Variants in ZNF112 observed in about 807,000 individuals in gnomAD.
ZNF112 encodes the protein zinc finger protein 112 (Y14).
ZNF112 carries 37 observed loss-of-function variants against 77.7 expected under a neutral mutation model. That is an observed-to-expected ratio of 0.48 (90% CI 0.37 to 0.63). The LOEUF is 0.63. ZNF112 is among the 20% of genes least tolerant of loss of function. ZNF112 has a pLI of 0.00. For missense variants in ZNF112, 950 were observed against 1,077.4 expected, an observed-to-expected ratio of 0.88 and a Z score of 1.66; for synonymous variants, 333 against 363.6, an observed-to-expected ratio of 0.92 and a Z score of 0.96.
chr19:44,341,159 A>G (rs770795876), intron 1 of ZNF112: 1 of 456,574 alleles, frequency 2.2e-6, no homozygotes, highest in Non-Finnish European at 4.4e-6. Context: ...AGCATGGAAA[A>G]CAGCACCTGG....
chr19:44,337,383 TAATA>T (rs1970395214), intron 2 of ZNF112, among the ~76,000 whole-genome samples: 1 of 31,948 alleles, frequency 3.1e-5, no homozygotes, highest in East Asian at 1.1e-3. Flanking sequence ...ATTTTATATA[TAATA>T]ATATATATAA....
In ZNF112 at chr19:44,366,031, A is replaced by G. The variant is rs145540527; in HGVS notation, c.17+1050T>C. 7.2e-3 allele frequency among the ~76,000 whole-genome samples: 1,095 copies of G among 152,292 alleles called. 2 individuals are homozygous for G. Among genetic ancestry groups the G allele is most frequent in the Non-Finnish European group, 0.011 (779 of 68,014 alleles). On this transcript the variant is annotated intron_variant, in intron 1 of 4. Coordinates refer to the ZNF112 transcript ENST00000588057. ...AAACAGTCAGTTATGTATACACTGT[A>G]GTGAACAAAGAATAGTAAGTTGTTA... is the stretch of plus-strand genomic sequence containing the variant.
At position 44,327,812 on chromosome 19, in the gene ZNF112, TC is replaced by T. The variant is rs1275724701; in HGVS notation, c.2344del (p.Glu782ArgfsTer139). On this transcript the variant is annotated frameshift_variant, in exon 4 of 4. Transcript: ENST00000354340. LOFTEE classifies it high-confidence loss of function. ...KCEVCTKGFSESSRLQAHQRV... is the reference protein window; with the variant it reads ...KCEVCTKGFSXSSRLQAHQRV... ...TTGGTGTGCTTGAAGGCGTGAACTCTCACTGAAACCCTTTGTACACACCTCA... is the reference window on the plus strand; with the variant it reads ...TTGGTGTGCTTGAAGGCGTGAACTCTACTGAAACCCTTTGTACACACCTCA... 1 of 1,613,788 alleles carries T rather than the reference TC, an allele frequency of 6.2e-7. No homozygotes were observed. Among genetic ancestry groups the T allele is most frequent in the Admixed American group, 1.7e-5 (1 of 59,974 alleles).
intron 3 of ZNF112, among the ~76,000 whole-genome samples, chr19:44,332,267 A>G (rs1180572803): frequency 6.6e-6 from 1 of 152,128 alleles, no homozygotes; most frequent in East Asian, 1.9e-4. Flanking sequence ...CCCAACTTTT[A>G]AAAAAGGAAA....
chr19:44,335,312 T>C (rs1396667161), intron 3 of ZNF112, among the ~76,000 whole-genome samples: 1 of 152,374 alleles, frequency 6.6e-6, no homozygotes, highest in African/African-American at 2.4e-5. Flanking sequence ...ATCTTGGAAG[T>C]AACTAGTTTG....
Position 44,327,330 on chromosome 19 carries a change from A to C in ZNF112, c.*103T>G. Reference sequence around the variant, plus strand: ...GTTGTGTGGTCTCCTGGCCATTATGAATGTTGAAGTTGGGCAGCAACATTA... The same window carrying C: ...GTTGTGTGGTCTCCTGGCCATTATGCATGTTGAAGTTGGGCAGCAACATTA... On this transcript the variant is annotated 3_prime_UTR_variant, in exon 4 of 4. Coordinates refer to ENST00000354340, the MANE Select transcript of ZNF112 (RefSeq NM_013380.4). The C allele has an allele frequency of 1.2e-6, 1 of 828,244 alleles. No individual in the cohort carries two copies. Among genetic ancestry groups the C allele is most frequent in the Non-Finnish European group, 1.8e-6 (1 of 562,168 alleles). The allele number at this position is 828,244 out of a possible 1,614,324, so 51.3% of individuals were successfully genotyped here. A position where few individuals can be genotyped will look rare whatever the true frequency, so the allele number is the denominator to read the frequency against.
At chr19:44,352,636 G>C (rs967886240) in intron 1 of ZNF112, among the ~76,000 whole-genome samples, 2 of 152,002 alleles carry the variant, frequency 1.3e-5, no homozygotes, top group African/African-American at 4.8e-5. Flanking sequence ...TTTCTAGTGA[G>C]TATAGCAAAG....
chr19:44,344,394 G>A (rs1159130475), intron 1 of ZNF112, among the ~76,000 whole-genome samples: 1 of 152,130 alleles, frequency 6.6e-6, no homozygotes, highest in African/African-American at 2.4e-5. Flanking sequence ...AATAAAAAAG[G>A]AACTGAAAAT....
intron 1 of ZNF112, among the ~76,000 whole-genome samples, chr19:44,347,506 T>TTTTTTTTTTTTTA (rs151128809): frequency 1.0e-5 from 1 of 100,100 alleles, no homozygotes; most frequent in Non-Finnish European, 2.2e-5. Flanking sequence ...TTTTTTTTTT[T>TTTTTTTTTTTTTA]ACTATTCCAT....
upstream of ZNF112, among the ~76,000 whole-genome samples, chr19:44,358,674 A>T (rs1437199845): frequency 3.3e-5 from 5 of 152,256 alleles, no homozygotes; most frequent in Non-Finnish European, 7.3e-5. Flanking sequence ...GCAAAATGAT[A>T]CGGGATTTCA....
At chr19:44,339,259 G>T (rs961981556) in intron 2 of ZNF112, among the ~76,000 whole-genome samples, 5 of 152,150 alleles carry the variant, frequency 3.3e-5, no homozygotes, top group African/African-American at 1.2e-4. Context: ...TCTGGAGAAG[G>T]TAATCGCTAA....
chr19:44,327,867 C>A lies in ZNF112; in HGVS notation c.2290G>T (p.Val764Phe). 6.2e-7 allele frequency: 1 copy of A among 1,614,018 alleles called. No homozygotes were observed. ...QSSRLEAHRR[V>F]HTGGKPYKCE... Reference sequence around the variant, plus strand: ...TTGTATGGTTTCCCTCCTGTGTGAACCCTCCGATGTGCTTCAAGGCGCGAA... The same window carrying A: ...TTGTATGGTTTCCCTCCTGTGTGAAACCTCCGATGTGCTTCAAGGCGCGAA... The change falls in exon 4 of 4, where the codon GTT becomes TTT. Residue 764 changes from valine to phenylalanine, a missense_variant. Val to Phe is a conservative substitution (Grantham distance 50). Coordinates refer to ENST00000354340, the MANE Select transcript of ZNF112 (RefSeq NM_013380.4).
At chr19:44,334,811 A>T (rs1031430753) in intron 3 of ZNF112, among the ~76,000 whole-genome samples, 29 of 152,364 alleles carry the variant, frequency 1.9e-4, no homozygotes, top group African/African-American at 6.3e-4. Context: ...CCCAGATTTC[A>T]GAGGATTTAT....
rs574396638 is a variant in ZNF112 at position 44,354,701 on chromosome 19, T to G, written c.-4+1925A>C. The stretch of plus-strand genomic sequence containing the variant: ...AAACCCTTAACAACCTTGTACGATG[T>G]GCTGGGCACATGGAGAAAAGTATGA... On this transcript the variant is annotated intron_variant, in intron 1 of 3. Coordinates refer to ENST00000354340, the MANE Select transcript of ZNF112 (RefSeq NM_013380.4). Among the ~76,000 whole-genome samples, 5 of 152,318 alleles carry G rather than the reference T, an allele frequency of 3.3e-5. No homozygotes were observed. In the East Asian group the frequency reaches 5.8e-4, roughly 18 times the overall value.
rs749721815 is a variant in ZNF112, at chr19:44,340,370, C to T, written c.124+46G>A. ...TTTCTAACAATTGAGCACACAAAGACACCCCAGGAGGCTGCCATTGAGTAA... is the reference window on the plus strand; with the variant it reads ...TTTCTAACAATTGAGCACACAAAGATACCCCAGGAGGCTGCCATTGAGTAA... On this transcript the variant is annotated intron_variant, in intron 2 of 3. Coordinates refer to ENST00000354340, the MANE Select transcript of ZNF112 (RefSeq NM_013380.4). 2.5e-6 allele frequency: 4 copies of T among 1,589,760 alleles called. No individual in the cohort carries two copies. The South Asian group carries it at 3.4e-5, about 14-fold the overall frequency.
intron 1 of ZNF112, among the ~76,000 whole-genome samples, chr19:44,353,868 C>T (rs1179389609): frequency 1.4e-5 from 2 of 146,406 alleles, no homozygotes; most frequent in African/African-American, 5.1e-5. Flanking sequence ...AGTAACCACA[C>T]TCCTGGCTTC....
chr19:44,358,874 C>G (rs1423523196), upstream of ZNF112, among the ~76,000 whole-genome samples: 1 of 152,120 alleles, frequency 6.6e-6, no homozygotes, highest in Admixed American at 6.5e-5. Context: ...CTCCACACCC[C>G]CAATCTGGTT....
chr19:44,340,656 T>C lies in ZNF112; in HGVS notation c.-3-114A>G, dbSNP rs1026437231. The stretch of plus-strand genomic sequence containing the variant: ...GGCAACTTGAGTCACATTTACATAG[T>C]TCTCTTCTGTTTACCTTCTGTAATG... On this transcript the variant is annotated intron_variant, in intron 1 of 3. Coordinates refer to ENST00000354340, the MANE Select transcript of ZNF112 (RefSeq NM_013380.4). 7 of 1,446,766 alleles carry C rather than the reference T, an allele frequency of 4.8e-6. No homozygotes were observed. In the African/African-American group the frequency reaches 5.7e-5, roughly 12 times the overall value. The allele number at this position is 1,446,766 out of a possible 1,614,324, so 89.6% of individuals were successfully genotyped here.
chr19:44,327,774 C>T lies in ZNF112; in HGVS notation c.2383G>A (p.Glu795Lys), dbSNP rs1970155833. 1.9e-6 allele frequency: 3 copies of T among 1,613,932 alleles called. No individual in the cohort carries two copies. Among genetic ancestry groups the T allele is most frequent in the Non-Finnish European group, 2.5e-6 (3 of 1,180,000 alleles). The stretch of plus-strand genomic sequence containing the variant: ...TGTTCACATTTATAGGGTCTCCCTT[C>T]CACATGAACCCTTTGGTGTGCTTGA... ...RLQAHQRVHV[E>K]GRPYKCEQCG... The change falls in exon 4 of 4, where the codon GAA becomes AAA. Residue 795 changes from glutamate to lysine, a missense_variant. Glu to Lys is a moderately conservative substitution (Grantham distance 56). Transcript: ENST00000354340.
Sources: gnomAD v4.1 joint callset for allele counts (sites outside exome capture counted in the v4.1 genomes callset) on GRCh38, gnomAD v4.1.1 for gene constraint, MANE v1.5 for transcripts, NCBI Gene and HGNC (gene_info 2026-07-23, HGNC 2026-07-21) for gene names.